Variants in ZNF397 observed in about 807,000 individuals in gnomAD.
The protein encoded by ZNF397 is zinc finger and SCAN domain-containing protein 15.
ZNF397 carries 38 observed loss-of-function variants against 50.6 expected under a neutral mutation model. The observed-to-expected ratio is 0.75, with a 90% CI of 0.58 to 0.98. The LOEUF is 0.98. ZNF397 is among the 50% of genes least tolerant of loss of function. The pLI is 0.00. For missense variants in ZNF397, 624 were observed against 624.1 expected (o/e 1.00, Z 0.00); for synonymous variants, 228 against 215.2 (o/e 1.06, Z -0.52).
chr18:35,246,487 T>G lies in ZNF397; in HGVS notation c.*177T>G. ...TAAAGTGTCCCTTGAAAGCTTTTCC[T>G]GTGACTAATCAGAACAGAATACAGA... is the stretch of plus-strand genomic sequence containing the variant. On this transcript the variant is annotated 3_prime_UTR_variant, in exon 4 of 4. Transcript: ENST00000330501. The G allele has an allele frequency of 7.1e-7, 1 of 1,410,840 alleles. No individual in the cohort carries two copies. Among genetic ancestry groups the G allele is most frequent in the Non-Finnish European group, 9.2e-7 (1 of 1,086,866 alleles). The allele number at this position is 1,410,840 out of a possible 1,614,324, so 87.4% of individuals were successfully genotyped here.
At position 35,247,498 on chromosome 18, in the gene ZNF397, G is replaced by A. The variant is rs2043501179; in HGVS notation, c.*1188G>A. ...TTCCCAACGCTCTGGATCAGAAGCT[G>A]CCATATCATTTGTTTCTGGGGCTAT... is the stretch of plus-strand genomic sequence containing the variant. On this transcript the variant is annotated 3_prime_UTR_variant, in exon 4 of 4. Coordinates refer to ENST00000330501, the MANE Select transcript of ZNF397 (RefSeq NM_001135178.3). 1 of 152,160 alleles carries A rather than the reference G, an allele frequency of 6.6e-6. No homozygotes were observed. The highest frequency in any genetic ancestry group is 2.1e-4 in the South Asian group (1 of 4,830). 9.4% of individuals were successfully genotyped at this position (152,160 alleles called of 1,614,324 possible).
chr18:35,258,056 A>T, exon 6 of ZNF397: 1 of 774,052 alleles, frequency 1.3e-6, no homozygotes, highest in Non-Finnish European at 2.4e-6. Flanking sequence ...CAAGGTTGTA[A>T]AAATGGCATG....
At chr18:35,244,894 G>A (rs1455308720) in intron 3 of ZNF397, among the ~76,000 whole-genome samples, 1 of 151,998 alleles carries the variant, frequency 6.6e-6, no homozygotes, top group African/African-American at 2.4e-5. Context: ...AACCACTTGA[G>A]AGAGAGTGAG....
rs138380141 is a variant in ZNF397, at chr18:35,242,409, C to T, written c.-62C>T. ...CCTTCAGGAAAGAAGAGATTACTCA[C>T]ACTCCTTCGCAAGCACAGAACCAGT... On this transcript the variant is annotated 5_prime_UTR_variant, in exon 2 of 4. Transcript: ENST00000330501. 1.3e-3 allele frequency: 1,884 copies of T among 1,495,320 alleles called. 25 individuals carry two copies. The African/African-American group carries it at 0.022, about 18-fold the overall frequency. The allele number at this position is 1,495,320 out of a possible 1,614,324, so 92.6% of individuals were successfully genotyped here.
chr18:35,254,273 G>C, downstream of ZNF397: 1 of 1,614,106 alleles, frequency 6.2e-7, no homozygotes, highest in Non-Finnish European at 8.5e-7. Flanking sequence ...TATCCGTTGG[G>C]AATGTGTTTC....
intron 5 of ZNF397, among the ~76,000 whole-genome samples, chr18:35,255,404 A>G (rs1337118126): frequency 6.6e-6 from 1 of 152,022 alleles, no homozygotes; most frequent in African/African-American, 2.4e-5. Context: ...CTCTAAATGT[A>G]TATGCATTTT....
In ZNF397 at chr18:35,248,013, CAACTG is replaced by C. The variant is rs1382810485; in HGVS notation, c.*1706_*1710del. The C allele has an allele frequency of 6.6e-6, 1 of 152,108 alleles. No homozygotes were observed. The highest frequency in any genetic ancestry group is 2.4e-5 in the African/African-American group (1 of 41,436). 9.4% of individuals were successfully genotyped at this position (152,108 alleles called of 1,614,324 possible). On this transcript the variant is annotated 3_prime_UTR_variant, in exon 4 of 4. Coordinates refer to ENST00000330501, the MANE Select transcript of ZNF397 (RefSeq NM_001135178.3). ...TAAAGACAATGCTAAAAGGAAGTGA[CAACTG>C]AAACTAATGGTCACAGTCAGTCAAG... is the stretch of plus-strand genomic sequence containing the variant.
chr18:35,242,980 T>C (rs755451681), intron 2 of ZNF397, 96 bp downstream of exon 2: 1 of 1,501,474 alleles, frequency 6.7e-7, no homozygotes, highest in Middle Eastern at 2.1e-4. Context: ...ATGTCTCTAC[T>C]GAACCCTAAC....
Position 35,245,715 on chromosome 18 carries a change from G to T in ZNF397, c.1010G>T (p.Gly337Val), listed in dbSNP as rs757567386. ...YLIIHQRIHS[G>V]EKAYECSECG... is the part of the protein sequence containing the mutation. ...ATTATTCATCAGAGAATTCATAGTGGTGAGAAAGCATATGAATGTAGTGAA... is the reference window on the plus strand; with the variant it reads ...ATTATTCATCAGAGAATTCATAGTGTTGAGAAAGCATATGAATGTAGTGAA... Residue 337 changes from glycine to valine, a missense_variant, in exon 4 of 4, where the codon GGT (glycine) becomes GTT (valine). Transcript: ENST00000330501. The T allele has an allele frequency of 1.8e-4, 280 of 1,552,022 alleles. 1 individual carries two copies. Among genetic ancestry groups the T allele is most frequent in the Non-Finnish European group, 2.4e-4 (274 of 1,147,196 alleles).
downstream of ZNF397, chr18:35,253,569 G>A (rs777761295): frequency 6.2e-7 from 1 of 1,614,042 alleles, no homozygotes; most frequent in East Asian, 2.2e-5. Context: ...TGCTGGGTGA[G>A]GGCTGAGCTC....
In ZNF397 at chr18:35,247,027, C is replaced by A; in HGVS notation, c.*717C>A. ...TTGGATAAGGAAATGGGGGAAATGGCCTGAAGGATGAGGAGGAGTTAGCCA... is the reference window on the plus strand; with the variant it reads ...TTGGATAAGGAAATGGGGGAAATGGACTGAAGGATGAGGAGGAGTTAGCCA... On this transcript the variant is annotated 3_prime_UTR_variant, in exon 4 of 4. Transcript: ENST00000330501. The A allele has an allele frequency of 1.1e-6, 1 of 932,924 alleles. No homozygotes were observed. The highest frequency in any genetic ancestry group is 1.3e-6 in the Non-Finnish European group (1 of 782,166). The allele number at this position is 932,924 out of a possible 1,614,324, so 57.8% of individuals were successfully genotyped here. A position where few individuals can be genotyped will look rare whatever the true frequency, so the allele number is the denominator to read the frequency against.
In ZNF397 at chr18:35,246,838, A is replaced by G. The variant is rs963806874; in HGVS notation, c.*528A>G. ...TTAGATAGGCATGAGAAGAAAGAATATAATTTACCCAAAGGTTATTTTTTG... is the reference window on the plus strand; with the variant it reads ...TTAGATAGGCATGAGAAGAAAGAATGTAATTTACCCAAAGGTTATTTTTTG... On this transcript the variant is annotated 3_prime_UTR_variant, in exon 4 of 4. Transcript: ENST00000330501. The G allele has an allele frequency of 3.8e-5, 37 of 985,798 alleles. No homozygotes were observed. The highest frequency in any genetic ancestry group is 4.5e-5 in the Non-Finnish European group (37 of 830,400). 61.1% of individuals were successfully genotyped at this position (985,798 alleles called of 1,614,324 possible).
Position 35,246,494 on chromosome 18 carries a change from A to G in ZNF397, c.*184A>G. ...TCCCTTGAAAGCTTTTCCTGTGACT[A>G]ATCAGAACAGAATACAGAAGAATCA... On this transcript the variant is annotated 3_prime_UTR_variant, in exon 4 of 4. Coordinates refer to ENST00000330501, the MANE Select transcript of ZNF397 (RefSeq NM_001135178.3). 1 of 1,403,680 alleles carries G rather than the reference A, an allele frequency of 7.1e-7. No individual in the cohort carries two copies. The highest frequency in any genetic ancestry group is 9.2e-7 in the Non-Finnish European group (1 of 1,083,606). The allele number at this position is 1,403,680 out of a possible 1,614,324, so 87.0% of individuals were successfully genotyped here. A position where few individuals can be genotyped will look rare whatever the true frequency, so the allele number is the denominator to read the frequency against.
chr18:35,258,807 T>C (rs1014751366), downstream of ZNF397: 2 of 134,916 alleles, frequency 1.5e-5, no homozygotes, highest in African/African-American at 5.7e-5. Flanking sequence ...GAGTTGGAGG[T>C]TGTAGTGAGC....
chr18:35,246,089 T>C lies in ZNF397; in HGVS notation c.1384T>C (p.Phe462Leu). ...TGAATGTAGTGAATGTGGAAAAGCT[T>C]TCAGTTTGAGCTCAAACCTTATCAG... ...PYECSECGKAFSLSSNLIRHQ... is the reference protein window; with the variant it reads ...PYECSECGKALSLSSNLIRHQ... Residue 462 changes from phenylalanine to leucine, a missense_variant, in exon 4 of 4, where the codon TTC becomes CTC. By Grantham distance (22) the Phe-to-Leu change is conservative. Transcript: ENST00000330501. The C allele has an allele frequency of 1.3e-6, 2 of 1,555,762 alleles. No homozygotes were observed. Among genetic ancestry groups the C allele is most frequent in the Non-Finnish European group, 1.7e-6 (2 of 1,149,418 alleles).
At chr18:35,251,820 C>G (rs2043607932), downstream of ZNF397, 3 of 151,836 alleles carry the variant, frequency 2.0e-5, no homozygotes, top group Non-Finnish European at 2.9e-5. Context: ...AATAAATTAC[C>G]CAGTATCAGG....
rs1416224666 is a variant in ZNF397 at position 35,246,229 on chromosome 18, T to G, written c.1524T>G (p.Ala508=). ...QHQRIHSGDE[A]YICNECGKAF... ...AGAGAATTCATTCTGGGGATGAAGC[T>G]TATATATGTAATGAATGTGGGAAGG... Residue 508 remains alanine (A), a synonymous_variant, in exon 4 of 4, where the codon GCT becomes GCG. Transcript: ENST00000330501. 5 of 1,552,048 alleles carry G rather than the reference T, an allele frequency of 3.2e-6. No individual in the cohort carries two copies. In the African/African-American group the frequency reaches 6.8e-5, roughly 21 times the overall value.
chr18:35,242,652 C>T lies in ZNF397; in HGVS notation c.182C>T (p.Thr61Ile). The T allele has an allele frequency of 6.2e-7, 1 of 1,614,222 alleles. No individual in the cohort carries two copies. Among genetic ancestry groups the T allele is most frequent in the Non-Finnish European group, 8.5e-7 (1 of 1,180,030 alleles). ...TTCAGAAAATTTTGCTACCAGGAGA[C>T]ACCTGGGCCCCGGGAGGCTCTGAGC... Reference protein sequence around the residue: ...QQFRKFCYQETPGPREALSRL... With the variant: ...QQFRKFCYQEIPGPREALSRL... Residue 61 changes from threonine (T) to isoleucine (I), a missense_variant, in exon 2 of 4, where the codon ACA becomes ATA. Thr to Ile is a moderately conservative substitution (Grantham distance 89). Coordinates refer to ENST00000330501, the MANE Select transcript of ZNF397 (RefSeq NM_001135178.3).
Position 35,245,889 on chromosome 18 carries a change from AAC to A in ZNF397, c.1185_1186del (p.Lys395AsnfsTer3). The A allele has an allele frequency of 1.3e-6, 2 of 1,561,476 alleles. No homozygotes were observed. The highest frequency in any genetic ancestry group is 1.7e-6 in the Non-Finnish European group (2 of 1,152,750). ...CATCAAAGAATTCACACTGGTGAGA[AAC>A]CTTATGAGTGTAATGAATGTGGGAA... is the stretch of plus-strand genomic sequence containing the variant. On this transcript the variant is annotated frameshift_variant, in exon 4 of 4. Coordinates refer to ENST00000330501, the MANE Select transcript of ZNF397 (RefSeq NM_001135178.3). LOFTEE classifies it high-confidence loss of function.
Sources: gnomAD v4.1 joint callset for allele counts (sites outside exome capture counted in the v4.1 genomes callset) on GRCh38, gnomAD v4.1.1 for gene constraint, MANE v1.5 for transcripts, NCBI Gene and HGNC (gene_info 2026-07-23, HGNC 2026-07-21) for gene names.